DIAPH2: variants seen among roughly 807,000 people sequenced by gnomAD.
DIAPH2 encodes the protein protein diaphanous homolog 2.
A neutral mutation model predicts 92.7 loss-of-function variants in DIAPH2; 35 were observed. The ratio of observed to expected loss-of-function variants is 0.38; its 90% CI spans 0.29 to 0.50. DIAPH2 has a LOEUF of 0.50. DIAPH2 is among the 20% of genes least tolerant of loss of function. The pLI, the probability that DIAPH2 is intolerant of heterozygous loss-of-function variation, is 0.94. For synonymous variants in DIAPH2, 301 were observed against 280.4 expected, an observed-to-expected ratio of 1.07 and a Z score of -0.73; for missense variants, 701 against 819.5, an observed-to-expected ratio of 0.86 and a Z score of 1.77.
At chrX:97,187,270 A>C (rs1377825371) in intron 22 of DIAPH2, among the ~76,000 whole-genome samples, 1 of 76,887 alleles carries the variant, frequency 1.3e-5, no homozygotes, top group African/African-American at 5.0e-5. Context: ...ATTGAAGACT[A>C]ATTAAGTAGC....
At chrX:96,989,007 T>C (rs2066050161) in intron 17 of DIAPH2, among the ~76,000 whole-genome samples, 2 of 111,079 alleles carry the variant, frequency 1.8e-5, no homozygotes, top group Admixed American at 9.6e-5. Flanking sequence ...TAAAAACCTG[T>C]TCTGATTTTA....
intron 22 of DIAPH2, among the ~76,000 whole-genome samples, chrX:97,171,805 G>T (rs1602390464): frequency 9.1e-6 from 1 of 110,361 alleles, no homozygotes. Flanking sequence ...CCAGGCGTTG[G>T]GGCGGGCGCC....
chrX:96,813,316 CT>C (rs2064701641), intron 4 of DIAPH2, among the ~76,000 whole-genome samples: 1 of 109,338 alleles, frequency 9.1e-6, no homozygotes. Context: ...GGTTTAAAGT[CT>C]GTTTTATCAG....
intron 4 of DIAPH2, among the ~76,000 whole-genome samples, chrX:96,799,535 C>T (rs771049092): frequency 1.8e-5 from 2 of 112,151 alleles, no homozygotes; most frequent in African/African-American, 6.5e-5. Context: ...CTTGGCCGGG[C>T]GCAGTGGCTC....
intron 4 of DIAPH2, among the ~76,000 whole-genome samples, chrX:96,772,992 G>T (rs1307697364): frequency 8.9e-6 from 1 of 111,957 alleles, no homozygotes; most frequent in Non-Finnish European, 1.9e-5. Flanking sequence ...AGTGTGATTG[G>T]TGTCTGTATC....
chrX:97,185,472 C>T (rs77750810), intron 22 of DIAPH2, among the ~76,000 whole-genome samples: 81 of 7,143 alleles, frequency 0.011, 1 homozygote, highest in South Asian at 0.041. Context: ...TATATATATA[C>T]ACATATATAT....
chrX:96,705,669 A>G (rs1158284289), intron 1 of DIAPH2, among the ~76,000 whole-genome samples: 1 of 112,345 alleles, frequency 8.9e-6, no homozygotes, highest in Non-Finnish European at 1.9e-5. Context: ...GTACATTGAA[A>G]AACGTAAAAG....
Position 97,470,919 on chromosome X carries a change from T to A in DIAPH2, c.3241+41174T>A, listed in dbSNP as rs201365940. On this transcript the variant is annotated intron_variant, in intron 26 of 26. Coordinates refer to ENST00000324765, the MANE Select transcript of DIAPH2 (RefSeq NM_006729.5). ...GCTGTATAGAGAAGCCCGAATGACA[T>A]ACTCTTCACAAGTGGCAGTATTGGT... Among the ~76,000 whole-genome samples the A allele has an allele frequency of 1.3e-4, 15 of 111,691 alleles. No individual in the cohort carries two copies. The East Asian group carries it at 3.6e-3, about 27-fold the overall frequency.
intron 22 of DIAPH2, among the ~76,000 whole-genome samples, chrX:97,200,645 A>G (rs911686587): frequency 1.2e-4 from 14 of 112,071 alleles, no homozygotes; most frequent in African/African-American, 4.5e-4. Context: ...AGGAAATGCC[A>G]CAGCCCCAGT....
At chrX:96,788,595 A>C (rs556770927) in intron 4 of DIAPH2, among the ~76,000 whole-genome samples, 12 of 112,044 alleles carry the variant, frequency 1.1e-4, no homozygotes, top group African/African-American at 2.9e-4. Flanking sequence ...TGTAAGTAAA[A>C]TTATAAGTCA....
intron 22 of DIAPH2, among the ~76,000 whole-genome samples, chrX:97,225,697 AT>A (rs1361388821): frequency 9.0e-6 from 1 of 110,904 alleles, no homozygotes; most frequent in East Asian, 2.8e-4. Context: ...ATATATTGAA[AT>A]TTTTTTTCTC....
intron 26 of DIAPH2, among the ~76,000 whole-genome samples, chrX:97,539,132 T>C (rs998298137): frequency 1.8e-5 from 2 of 111,832 alleles, no homozygotes; most frequent in African/African-American, 6.5e-5. Context: ...GCTTTCTATA[T>C]AGCTTACCCT....
chrX:97,266,523 C>G (rs1348315375), intron 23 of DIAPH2, among the ~76,000 whole-genome samples: 1 of 111,600 alleles, frequency 9.0e-6, no homozygotes, highest in Non-Finnish European at 1.9e-5. Flanking sequence ...TATAAAGCAG[C>G]TATGTTATCT....
At chrX:97,382,003 C>G (rs1824966511) in intron 24 of DIAPH2, among the ~76,000 whole-genome samples, 1 of 111,078 alleles carries the variant, frequency 9.0e-6, no homozygotes, top group African/African-American at 3.3e-5. Context: ...TAATAGTCCA[C>G]CCAGATCTTG....
chrX:96,890,961 T>G (rs2065303300), intron 5 of DIAPH2, among the ~76,000 whole-genome samples: 1 of 111,615 alleles, frequency 9.0e-6, no homozygotes, highest in Non-Finnish European at 1.9e-5. Context: ...TGCATGCATG[T>G]CTGTTTTTCT....
intron 26 of DIAPH2, among the ~76,000 whole-genome samples, chrX:97,472,603 G>A (rs774252768): frequency 8.9e-6 from 1 of 111,938 alleles, no homozygotes; most frequent in Admixed American, 9.4e-5. Flanking sequence ...TACCTTAAAT[G>A]CAAATGAATG....
intron 26 of DIAPH2, among the ~76,000 whole-genome samples, chrX:97,459,278 A>G (rs1185429581): frequency 8.9e-6 from 1 of 112,191 alleles, no homozygotes; most frequent in Admixed American, 9.5e-5. Flanking sequence ...GCTTAGTGCT[A>G]TAGTTATAGC....
intron 11 of DIAPH2, among the ~76,000 whole-genome samples, chrX:96,937,729 G>A (rs1030021465): frequency 2.4e-4 from 27 of 111,911 alleles, no homozygotes; most frequent in Non-Finnish European, 4.3e-4. Flanking sequence ...TCAAGCTTCA[G>A]TGACTTAGAG....
intron 4 of DIAPH2, among the ~76,000 whole-genome samples, chrX:96,871,068 G>A (rs2065138348): frequency 1.8e-5 from 2 of 112,150 alleles, no homozygotes; most frequent in African/African-American, 6.5e-5. Context: ...GTACAATGAA[G>A]AGATTGCCTA....
Sources: allele counts gnomAD v4.1 joint callset (sites outside exome capture counted in the v4.1 genomes callset), GRCh38; gene constraint gnomAD v4.1.1; transcripts MANE v1.5; gene names NCBI Gene and HGNC (gene_info 2026-07-23, HGNC 2026-07-21).